USF3: variants seen among roughly 807,000 people sequenced by gnomAD.
USF3 encodes the protein basic helix-loop-helix domain-containing protein USF3.
In USF3, 29 loss-of-function variants were observed where a neutral mutation model predicts 157.5. The ratio of observed to expected loss-of-function variants is 0.18; its 90% CI spans 0.14 to 0.25. The LOEUF (loss-of-function observed/expected upper bound fraction) is 0.25, where lower values mean the gene tolerates loss of function less well. USF3 is among the 10% of genes least tolerant of loss of function. USF3 has a pLI of 1.00. For synonymous variants in USF3, 893 were observed against 941.4 expected (o/e 0.95, Z 0.94); for missense variants, 2,381 against 2,667.6 (o/e 0.89, Z 2.37).
chr3:113,695,304 A>AT (rs1429793658), intron 1 of USF3, among the ~76,000 whole-genome samples: 1 of 152,224 alleles, frequency 6.6e-6, no homozygotes, highest in East Asian at 1.9e-4. Flanking sequence ...ACTCTGTACT[A>AT]TGTTAAACAA....
intron 1 of USF3, among the ~76,000 whole-genome samples, chr3:113,679,041 C>CTCTCTCT (rs71134902): frequency 4.6e-5 from 7 of 151,522 alleles, no homozygotes; most frequent in African/African-American, 7.3e-5. Context: ...CTCTCTCTCT[C>CTCTCTCT]CAACTCCTGG....
intron 2 of USF3, among the ~76,000 whole-genome samples, chr3:113,675,857 C>T (rs974080379): frequency 2.0e-5 from 3 of 152,134 alleles, no homozygotes; most frequent in Non-Finnish European, 2.9e-5. Flanking sequence ...TTTCTTCCAC[C>T]GGATAACCTA....
chr3:113,666,409 G>A (rs1255834898), intron 5 of USF3, among the ~76,000 whole-genome samples: 1 of 147,482 alleles, frequency 6.8e-6, no homozygotes, highest in Non-Finnish European at 1.5e-5. Context: ...ATGCCATCAT[G>A]CCTGGCTAAT....
chr3:113,683,699 C>T (rs1707487717), intron 1 of USF3, among the ~76,000 whole-genome samples: 1 of 152,034 alleles, frequency 6.6e-6, no homozygotes, highest in South Asian at 2.1e-4. Flanking sequence ...GATCTCTTGA[C>T]CTCGTGATTT....
chr3:113,656,752 G>A lies in USF3; in HGVS notation c.4930C>T (p.Pro1644Ser). Residue 1644 changes from proline to serine, a missense_variant, in exon 7 of 7, where the codon CCA becomes TCA. Transcript: ENST00000316407. ...RGLEQQMVSQ[P>S]SIVTRSSDMT... is the part of the protein sequence containing the mutation. ...TCTGAAGATCTAGTCACAATACTTG[G>A]TTGGGACACCATTTGCTGCTCTAAG... is the stretch of plus-strand genomic sequence containing the variant. The A allele has an allele frequency of 1.2e-6, 2 of 1,614,172 alleles. No homozygotes were observed. The highest frequency in any genetic ancestry group is 1.7e-6 in the Non-Finnish European group (2 of 1,180,034).
intron 5 of USF3, among the ~76,000 whole-genome samples, chr3:113,666,473 G>A (rs13080701): frequency 0.31 from 46,327 of 148,124 alleles, 7,295 homozygotes; most frequent in Non-Finnish European, 0.34. Context: ...GGCTGGTCTC[G>A]AACTCCTGAC....
intron 1 of USF3, among the ~76,000 whole-genome samples, chr3:113,691,723 T>C (rs1386969850): frequency 1.3e-5 from 2 of 152,342 alleles, no homozygotes; most frequent in Admixed American, 1.3e-4. Context: ...TGTGAGTTTA[T>C]CCAGTATCCA....
chr3:113,672,549 C>T (rs976090703), intron 4 of USF3, among the ~76,000 whole-genome samples: 15 of 152,078 alleles, frequency 9.9e-5, no homozygotes, highest in African/African-American at 3.6e-4. Flanking sequence ...GCTTACCTTT[C>T]CTCTGAATTC....
chr3:113,649,917 C>A lies in USF3; in HGVS notation c.*5027G>T, dbSNP rs571108438. ...CCAAAAAAGGCCCTTTTCTTTCAAACCCTGGGGAAAGAAAAATGGTAATGT... is the reference window on the plus strand; with the variant it reads ...CCAAAAAAGGCCCTTTTCTTTCAAAACCTGGGGAAAGAAAAATGGTAATGT... On this transcript the variant is annotated 3_prime_UTR_variant, in exon 7 of 7. Transcript: ENST00000316407. The A allele has an allele frequency of 6.6e-5, 46 of 694,406 alleles. No homozygotes were observed. The African/African-American group carries it at 7.4e-4, about 11-fold the overall frequency. 43.0% of individuals were successfully genotyped at this position (694,406 alleles called of 1,614,324 possible). A position where few individuals can be genotyped will look rare whatever the true frequency, so the allele number is the denominator to read the frequency against.
chr3:113,657,636 G>C lies in USF3; in HGVS notation c.4046C>G (p.Pro1349Arg). 6.2e-7 allele frequency: 1 copy of C among 1,614,204 alleles called. No homozygotes were observed. The highest frequency in any genetic ancestry group is 1.3e-5 in the African/African-American group (1 of 75,046). ...CATACTTTCAAGCCTGAGGGGGGCT[G>C]GCTGACAGTGCTTTTGACGTTTAGC... is the stretch of plus-strand genomic sequence containing the variant. ...SSAKRQKHCQ[P>R]APLRLESMSL... Residue 1349 changes from proline to arginine, a missense_variant, in exon 7 of 7, where the codon CCA becomes CGA. Physicochemically the swap from Pro to Arg is moderately radical, Grantham distance 103. This residue lies in a region of USF3 where 1,435 missense variants were observed against 1,550.9 expected (regional missense o/e 0.93). Coordinates refer to ENST00000316407, the MANE Select transcript of USF3 (RefSeq NM_001009899.4).
chr3:113,690,236 A>G (rs1707654186), intron 1 of USF3, among the ~76,000 whole-genome samples: 2 of 152,142 alleles, frequency 1.3e-5, no homozygotes, highest in Admixed American at 1.3e-4. Context: ...TGTTTTCATA[A>G]TGTTCATCTC....
rs1345444162 is a variant in USF3 at position 113,658,015 on chromosome 3, T to C, written c.3667A>G (p.Asn1223Asp). ...GAAGTTGAATCCTGTAAAGATGCAT[T>C]TGATGTTTTAATTCCTAGAGAACAA... ...PSCSLGIKTS[N>D]ASLQDSTSQP... The change falls in exon 7 of 7, where the codon AAT becomes GAT. Residue 1223 changes from asparagine (N) to aspartate (D), a missense_variant. Around this residue, in one of 6 missense-constraint regions of USF3, gnomAD observed 1,435 missense variants for 1,550.9 expected, o/e 0.93. Transcript: ENST00000316407. 6.2e-7 allele frequency: 1 copy of C among 1,614,014 alleles called. No individual in the cohort carries two copies. Among genetic ancestry groups the C allele is most frequent in the African/African-American group, 1.3e-5 (1 of 74,904 alleles).
intron 1 of USF3, among the ~76,000 whole-genome samples, chr3:113,679,408 GTTCTT>G (rs1183889103): frequency 1.4e-5 from 2 of 140,224 alleles, no homozygotes; most frequent in African/African-American, 5.3e-5. Flanking sequence ...AACAGAGAAA[GTTCTT>G]TTTTTTTTTT....
At chr3:113,674,563 G>T (rs146062523) in intron 3 of USF3, among the ~76,000 whole-genome samples, 1 of 152,076 alleles carries the variant, frequency 6.6e-6, no homozygotes, top group Non-Finnish European at 1.5e-5. Context: ...GGCTGGTCTT[G>T]AACTCCTGAC....
chr3:113,663,681 C>G (rs1228375243), intron 6 of USF3, among the ~76,000 whole-genome samples: 1 of 152,126 alleles, frequency 6.6e-6, no homozygotes, highest in African/African-American at 2.4e-5. Flanking sequence ...AAATAAAAGA[C>G]AATTTCAAAC....
At position 113,654,070 on chromosome 3, in the gene USF3, GAA is replaced by G. The variant is rs1362675144; in HGVS notation, c.*872_*873del. ...TATTTCAAGACCAAATAAATAGAAT[GAA>G]GAGAGAATACTAAATTAAACTCAGC... On this transcript the variant is annotated 3_prime_UTR_variant, in exon 7 of 7. Transcript: ENST00000316407. 1 of 152,408 alleles carries G rather than the reference GAA, an allele frequency of 6.6e-6. No individual in the cohort carries two copies. The highest frequency in any genetic ancestry group is 1.9e-4 in the East Asian group (1 of 5,204). The allele number at this position is 152,408 out of a possible 1,614,324, so 9.4% of individuals were successfully genotyped here. A position where few individuals can be genotyped will look rare whatever the true frequency, so the allele number is the denominator to read the frequency against.
chr3:113,657,457 C>T lies in USF3; in HGVS notation c.4225G>A (p.Val1409Met). 6.2e-7 allele frequency: 1 copy of T among 1,614,114 alleles called. No individual in the cohort carries two copies. Among genetic ancestry groups the T allele is most frequent in the Non-Finnish European group, 8.5e-7 (1 of 1,180,040 alleles). ...TRLFPPSNNF[V>M]TPALRQTEVQ... ...TCAGTTTGCCTCAATGCAGGAGTCA[C>T]AAAGTTGTTACTAGGTGGAAATAAT... The change falls in exon 7 of 7, where the codon GTG (valine) becomes ATG (methionine). Residue 1409 changes from valine (V) to methionine (M), a missense_variant. Coordinates refer to ENST00000316407, the MANE Select transcript of USF3 (RefSeq NM_001009899.4).
Position 113,649,708 on chromosome 3 carries a change from C to G in USF3, c.*5236G>C, listed in dbSNP as rs1486094387. The G allele has an allele frequency of 1.3e-5, 8 of 633,596 alleles. No homozygotes were observed. The allele number at this position is 633,596 out of a possible 1,614,324, so 39.2% of individuals were successfully genotyped here. A position where few individuals can be genotyped will look rare whatever the true frequency, so the allele number is the denominator to read the frequency against. ...GGTCTAAAGACCAGAGGCACAGTTT[C>G]AGGTAAAGTGCAGGAACAGGGTAGA... On this transcript the variant is annotated 3_prime_UTR_variant, in exon 7 of 7. Transcript: ENST00000316407.
intron 5 of USF3, among the ~76,000 whole-genome samples, chr3:113,666,020 A>G (rs1440033246): frequency 6.6e-6 from 1 of 151,848 alleles, no homozygotes; most frequent in Non-Finnish European, 1.5e-5. Context: ...CCCCGTCTCT[A>G]CTAAAAATAC....
Sources: gnomAD v4.1 joint callset for allele counts (sites outside exome capture counted in the v4.1 genomes callset) on GRCh38, gnomAD v4.1.1 for gene constraint, gnomAD v4.1.1 regional missense constraint, MANE v1.5 for transcripts, NCBI Gene and HGNC (gene_info 2026-07-23, HGNC 2026-07-21) for gene names.